Variants in ZNF804B observed in about 807,000 individuals in gnomAD.
ZNF804B encodes the protein zinc finger 804B.
A neutral mutation model predicts 101.4 loss-of-function variants in ZNF804B; 80 were observed. That is an observed-to-expected ratio of 0.79 (90% CI 0.66 to 0.95). The LOEUF (loss-of-function observed/expected upper bound fraction) is 0.95. Ranked by LOEUF, ZNF804B falls within the 40% of genes least tolerant of loss-of-function variation. The pLI is 0.00. For synonymous variants in ZNF804B, 622 were observed against 558.8 expected (o/e 1.11, Z -1.59); for missense variants, 1,673 against 1,561.9 (o/e 1.07, Z -1.20).
intron 1 of ZNF804B, among the ~76,000 whole-genome samples, chr7:89,146,333 G>C (rs987539356): frequency 6.6e-6 from 1 of 152,058 alleles, no homozygotes; most frequent in African/African-American, 2.4e-5. Flanking sequence ...CTAAATGTGG[G>C]GATAATGAAC....
chr7:88,969,497 C>T (rs1793501898), intron 1 of ZNF804B, among the ~76,000 whole-genome samples: 1 of 151,652 alleles, frequency 6.6e-6, no homozygotes, highest in Admixed American at 6.6e-5. Context: ...AGCATGCTTG[C>T]CATTAGGCAA....
chr7:89,175,304 AT>A (rs71120067), intron 1 of ZNF804B, among the ~76,000 whole-genome samples: 31,205 of 151,760 alleles, frequency 0.21, 3,408 homozygotes, highest in Middle Eastern at 0.39. Context: ...TGGATATCCA[AT>A]TTTCTCAGCA....
At chr7:88,940,143 G>C (rs1793035834) in intron 1 of ZNF804B, among the ~76,000 whole-genome samples, 1 of 151,780 alleles carries the variant, frequency 6.6e-6, no homozygotes, top group Non-Finnish European at 1.5e-5. Flanking sequence ...AATATACTCA[G>C]ATCTAAATGT....
At chr7:89,301,064 G>GTAGA (rs1790464338) in intron 2 of ZNF804B, among the ~76,000 whole-genome samples, 1 of 138,434 alleles carries the variant, frequency 7.2e-6, no homozygotes, top group Non-Finnish European at 1.6e-5. Context: ...TTATATTTAT[G>GTAGA]TAGAGAATTT....
intron 1 of ZNF804B, among the ~76,000 whole-genome samples, chr7:88,970,807 G>T (rs1173689070): frequency 3.7e-4 from 47 of 126,864 alleles, no homozygotes; most frequent in Admixed American, 1.0e-3. Context: ...ATCATACACC[G>T]GGGACTGTTG....
At chr7:88,976,686 A>G (rs530791158) in intron 1 of ZNF804B, among the ~76,000 whole-genome samples, 2 of 151,770 alleles carry the variant, frequency 1.3e-5, no homozygotes, top group African/African-American at 2.4e-5. Context: ...ACAGGCATAC[A>G]TAATTTGAAT....
At chr7:88,773,695 T>A (rs1033700171) in intron 1 of ZNF804B, among the ~76,000 whole-genome samples, 12 of 152,168 alleles carry the variant, frequency 7.9e-5, no homozygotes, top group Middle Eastern at 3.4e-3. Context: ...ACAGGTAGCA[T>A]GGTGCTGGCA....
intron 1 of ZNF804B, among the ~76,000 whole-genome samples, chr7:89,101,418 A>G (rs1171488952): frequency 6.6e-6 from 1 of 152,036 alleles, no homozygotes; most frequent in East Asian, 1.9e-4. Flanking sequence ...TGTAGTTTTA[A>G]TGATGAACAT....
chr7:88,764,190 C>T (rs2519941), intron 1 of ZNF804B, among the ~76,000 whole-genome samples: 54,363 of 151,938 alleles, frequency 0.36, 11,523 homozygotes, highest in African/African-American at 0.6. Context: ...GACTATCATT[C>T]GGGATACCTA....
chr7:89,096,349 A>C (rs935599565), intron 1 of ZNF804B, among the ~76,000 whole-genome samples: 2 of 152,112 alleles, frequency 1.3e-5, no homozygotes, highest in African/African-American at 2.4e-5. Flanking sequence ...AAAGTTTAAT[A>C]GGTAGAGAAT....
intron 1 of ZNF804B, among the ~76,000 whole-genome samples, chr7:88,914,060 A>G (rs1435715069): frequency 3.3e-5 from 5 of 152,216 alleles, no homozygotes; most frequent in African/African-American, 7.2e-5. Context: ...CCTCCTATTG[A>G]ATGTGCCTAC....
chr7:89,140,412 C>T (rs1424006678), intron 1 of ZNF804B, among the ~76,000 whole-genome samples: 2 of 152,074 alleles, frequency 1.3e-5, no homozygotes, highest in Non-Finnish European at 2.9e-5. Context: ...TACTCTCTAA[C>T]TATGAAAGTC....
intron 1 of ZNF804B, among the ~76,000 whole-genome samples, chr7:89,015,224 G>C (rs999270464): frequency 4.6e-5 from 7 of 151,566 alleles, no homozygotes; most frequent in Non-Finnish European, 8.8e-5. Context: ...TTTTATGCCA[G>C]TATCATTCTG....
rs150822826 is a variant in ZNF804B, at chr7:89,183,892, G to A, written c.109-34263G>A. Among the ~76,000 whole-genome samples the A allele has an allele frequency of 3.1e-3, 468 of 152,162 alleles. 2 individuals are homozygous for A. The highest frequency in any genetic ancestry group is 5.0e-3 in the Non-Finnish European group (339 of 68,008). On this transcript the variant is annotated intron_variant, in intron 1 of 3. Transcript: ENST00000333190. The stretch of plus-strand genomic sequence containing the variant: ...TCAGAATCCAGCAGAAATGACAAGC[G>A]CTGGAAAATCTTTTTGTGGGTCCTT...
At chr7:88,887,750 T>TAA (rs34976274) in intron 1 of ZNF804B, among the ~76,000 whole-genome samples, 4 of 146,826 alleles carry the variant, frequency 2.7e-5, no homozygotes, top group Admixed American at 6.8e-5. Flanking sequence ...GAGTTCATTG[T>TAA]AAAAAAAAAA....
chr7:88,790,426 C>T (rs1478481037), intron 1 of ZNF804B, among the ~76,000 whole-genome samples: 2 of 152,018 alleles, frequency 1.3e-5, no homozygotes, highest in South Asian at 4.1e-4. Flanking sequence ...TCTCCCTCCC[C>T]TTGCACCCCT....
At chr7:89,132,999 G>T (rs761454546) in intron 1 of ZNF804B, among the ~76,000 whole-genome samples, 1 of 152,022 alleles carries the variant, frequency 6.6e-6, no homozygotes, top group East Asian at 1.9e-4. Flanking sequence ...TTTGGCCTAT[G>T]CACCAGTGTT....
chr7:88,996,159 A>G (rs1467594184), intron 1 of ZNF804B, among the ~76,000 whole-genome samples: 1 of 152,040 alleles, frequency 6.6e-6, no homozygotes, highest in African/African-American at 2.4e-5. Flanking sequence ...TTGCAAATGT[A>G]CTCTACTAAT....
intron 2 of ZNF804B, among the ~76,000 whole-genome samples, chr7:89,294,445 A>C (rs1373377428): frequency 6.6e-6 from 1 of 152,152 alleles, no homozygotes; most frequent in African/African-American, 2.4e-5. Flanking sequence ...TTGCTCTATA[A>C]GAGATCAGTT....
Sources: allele counts gnomAD v4.1 joint callset (sites outside exome capture counted in the v4.1 genomes callset), GRCh38; gene constraint gnomAD v4.1.1; transcripts MANE v1.5; gene names NCBI Gene and HGNC (gene_info 2026-07-23, HGNC 2026-07-21).